RCL1: variants seen among roughly 807,000 people sequenced by gnomAD.
The protein encoded by RCL1 is RNA terminal phosphate cyclase like 1.
Under a neutral mutation model 42.4 loss-of-function variants are expected in RCL1, and 24 were observed. That is an observed-to-expected ratio of 0.57 (90% confidence interval 0.41 to 0.80). The LOEUF is 0.80. RCL1 is among the 30% of genes least tolerant of loss of function. RCL1 has a pLI of 0.00. For missense variants in RCL1, 578 were observed against 467.9 expected, an observed-to-expected ratio of 1.24 and a Z score of -2.17; for synonymous variants, 228 against 177.3, an observed-to-expected ratio of 1.29 and a Z score of -2.27.
intron 1 of RCL1, among the ~76,000 whole-genome samples, chr9:4,805,468 C>T (rs375089075): frequency 5.8e-4 from 88 of 152,236 alleles, no homozygotes; most frequent in African/African-American, 1.9e-3. Context: ...TTCTTTGGAT[C>T]CTTCTTTGGA....
Position 4,827,029 on chromosome 9 carries a change from C to A in RCL1, c.380C>A (p.Pro127His), listed in dbSNP as rs1312579390. Residue 127 changes from proline to histidine, a missense_variant, in exon 3 of 9, where the codon CCT (proline) becomes CAT (histidine). Pro to His is a moderately conservative substitution (Grantham distance 77). Coordinates refer to ENST00000381750, the MANE Select transcript of RCL1 (RefSeq NM_005772.5). ...GGAGTGACCAATGATCAGGTTGACCCTTCAGTGAGTATTGAGAACAAACCG... is the reference window on the plus strand; with the variant it reads ...GGAGTGACCAATGATCAGGTTGACCATTCAGTGAGTATTGAGAACAAACCG... ...LRGVTNDQVD[P>H]SVDVLKATAL... 6.2e-7 allele frequency: 1 copy of A among 1,614,154 alleles called. No homozygotes were observed. The highest frequency in any genetic ancestry group is 8.5e-7 in the Non-Finnish European group (1 of 1,180,010).
At chr9:4,796,645 C>T (rs996638983) in intron 1 of RCL1, among the ~76,000 whole-genome samples, 3 of 152,198 alleles carry the variant, frequency 2.0e-5, no homozygotes, top group African/African-American at 7.2e-5. Flanking sequence ...AGCAGTCGTC[C>T]TGCCTCAGCC....
At chr9:4,859,596 C>T (rs553854011) in intron 8 of RCL1, among the ~76,000 whole-genome samples, 1 of 152,192 alleles carries the variant, frequency 6.6e-6, no homozygotes, top group African/African-American at 2.4e-5. Context: ...CATCAGTAGT[C>T]ATTGTGCTTG....
At chr9:4,827,133 A>C (rs1324651240) in intron 3 of RCL1, 100 bp downstream of exon 3, 3 of 1,569,720 alleles carry the variant, frequency 1.9e-6, no homozygotes, top group African/African-American at 1.4e-5. Context: ...GTTTTATTAC[A>C]AATGTATATT....
At chr9:4,848,591 C>G (rs1817599151) in intron 7 of RCL1, among the ~76,000 whole-genome samples, 1 of 152,180 alleles carries the variant, frequency 6.6e-6, no homozygotes, top group African/African-American at 2.4e-5. Context: ...TCAAGGTCAT[C>G]CTTCTTTGAC....
intron 2 of RCL1, among the ~76,000 whole-genome samples, chr9:4,825,003 C>T (rs1396537282): frequency 2.0e-5 from 3 of 152,100 alleles, no homozygotes; most frequent in African/African-American, 7.2e-5. Context: ...CTTCTGCCTC[C>T]CGGGTTCAAA....
chr9:4,827,194 A>G, intron 3 of RCL1, 161 bp downstream of exon 3: 1 of 1,542,080 alleles, frequency 6.5e-7, no homozygotes, highest in Non-Finnish European at 8.7e-7. Flanking sequence ...CAGGAGGCAG[A>G]TGAACCAAAA....
At chr9:4,836,407 C>CT (rs1386535029) in intron 5 of RCL1, among the ~76,000 whole-genome samples, 2 of 152,160 alleles carry the variant, frequency 1.3e-5, no homozygotes, top group Admixed American at 1.3e-4. Context: ...GGATGAGAAA[C>CT]TTTAACAGGC....
At chr9:4,819,611 A>G (rs572898402) in intron 1 of RCL1, among the ~76,000 whole-genome samples, 6 of 152,316 alleles carry the variant, frequency 3.9e-5, no homozygotes, top group African/African-American at 1.2e-4. Context: ...GATTGAGACC[A>G]TCCCGGCCAA....
At position 4,854,426 on chromosome 9, in the gene RCL1, C is replaced by G. The variant is rs548187791; in HGVS notation, c.971+4876C>G. Reference sequence around the variant, plus strand: ...TCTCCAGATCTTTTCCCTCAACTTCCAGAGCATGTCCTTACACCTGAGATG... The same window carrying G: ...TCTCCAGATCTTTTCCCTCAACTTCGAGAGCATGTCCTTACACCTGAGATG... On this transcript the variant is annotated intron_variant, in intron 8 of 8. Transcript: ENST00000381750. Among the ~76,000 whole-genome samples the G allele has an allele frequency of 3.9e-5, 6 of 152,184 alleles. No individual in the cohort carries two copies. The South Asian group carries it at 1.0e-3, about 26-fold the overall frequency.
rs906195068 is a variant in RCL1, at chr9:4,841,472, A to G, written c.710+115A>G. On this transcript the variant is annotated intron_variant, in intron 6 of 8. Coordinates refer to ENST00000381750, the MANE Select transcript of RCL1 (RefSeq NM_005772.5). ...CAGCCAGAGGAAGAACAATTTCAGA[A>G]TTAATTTCTTTCTGCCTTATTGCCG... 6 of 834,224 alleles carry G rather than the reference A, an allele frequency of 7.2e-6. No homozygotes were observed. The Admixed American group carries it at 1.1e-4, about 15-fold the overall frequency. 51.7% of individuals were successfully genotyped at this position (834,224 alleles called of 1,614,324 possible).
intron 1 of RCL1, among the ~76,000 whole-genome samples, chr9:4,800,278 G>A (rs1433531144): frequency 2.0e-5 from 3 of 151,804 alleles, no homozygotes; most frequent in South Asian, 4.2e-4. Flanking sequence ...GCAGTGGCAC[G>A]ATCTTGGCTC....
intron 1 of RCL1, among the ~76,000 whole-genome samples, chr9:4,821,697 C>A (rs909037994): frequency 6.6e-6 from 1 of 152,038 alleles, no homozygotes; most frequent in Non-Finnish European, 1.5e-5. Context: ...CCAGTCTGGC[C>A]TTCAACTCGT....
intron 3 of RCL1, among the ~76,000 whole-genome samples, chr9:4,829,915 C>T (rs78878363): frequency 0.046 from 6,956 of 152,278 alleles, 249 homozygotes; most frequent in African/African-American, 0.096. Context: ...CAGCTGACCT[C>T]ATCATTCATT....
chr9:4,817,011 G>A (rs1816403674), intron 1 of RCL1, among the ~76,000 whole-genome samples: 1 of 152,120 alleles, frequency 6.6e-6, no homozygotes, highest in African/African-American at 2.4e-5. Flanking sequence ...TAGAGACGGG[G>A]TTTCACCGTG....
intron 1 of RCL1, among the ~76,000 whole-genome samples, chr9:4,819,940 G>C (rs1417904369): frequency 1.3e-5 from 2 of 152,120 alleles, no homozygotes; most frequent in Admixed American, 6.5e-5. Context: ...TAGTGCATAA[G>C]AGATCGTAAA....
At chr9:4,793,987 GGC>G (rs1842874804) in intron 1 of RCL1, among the ~76,000 whole-genome samples, 1 of 152,198 alleles carries the variant, frequency 6.6e-6, no homozygotes, top group Non-Finnish European at 1.5e-5. Context: ...CTCATTAAAT[GGC>G]GCCGGTTTTC....
In RCL1 at chr9:4,860,211, G is replaced by T; in HGVS notation, c.1058G>T (p.Gly353Val). ...TKPCGEELKG[G>V]DKVLMTCVGI... ...CCATGTGGTGAAGAACTCAAGGGTG[G>T]GGATAAAGTGCTGATGACCTGTGTT... The change falls in exon 9 of 9, where the codon GGG becomes GTG. Residue 353 changes from glycine to valine, a missense_variant. Physicochemically the swap from Gly to Val is moderately radical, Grantham distance 109. Transcript: ENST00000381750. 1.2e-6 allele frequency: 2 copies of T among 1,612,978 alleles called. No individual in the cohort carries two copies. Among genetic ancestry groups the T allele is most frequent in the Non-Finnish European group, 1.7e-6 (2 of 1,179,562 alleles).
intron 1 of RCL1, among the ~76,000 whole-genome samples, chr9:4,822,244 C>A (rs1314993994): frequency 1.3e-5 from 2 of 152,220 alleles, no homozygotes; most frequent in African/African-American, 4.8e-5. Context: ...TAGGTGACTA[C>A]TGGACTGTGT....
Sources: allele counts gnomAD v4.1 joint callset (sites outside exome capture counted in the v4.1 genomes callset), GRCh38; gene constraint gnomAD v4.1.1; transcripts MANE v1.5; gene names NCBI Gene and HGNC (gene_info 2026-07-23, HGNC 2026-07-21).